CCR3: variants seen among roughly 807,000 people sequenced by gnomAD.
The protein encoded by CCR3 is C-C motif chemokine receptor 3, also known as C-C chemokine receptor type 3.
For missense variants in CCR3, 419 were observed against 437.5 expected, an observed-to-expected ratio of 0.96 and a Z score of 0.38; for synonymous variants, 203 against 179.2, an observed-to-expected ratio of 1.13 and a Z score of -1.06.
Position 46,235,671 on chromosome 3 carries a change from C to T in CCR3, c.-67-6731C>T, listed in dbSNP as rs777564009. On this transcript the variant is annotated intron_variant, in intron 2 of 3. Transcript: ENST00000357422. Reference sequence around the variant, plus strand: ...CTTACATTTCAAAAGGCGTTGAGGACCAGATGTTTTTGCCTGAACAAAACA... The same window carrying T: ...CTTACATTTCAAAAGGCGTTGAGGATCAGATGTTTTTGCCTGAACAAAACA... Among the ~76,000 whole-genome samples, 12 of 152,308 alleles carry T rather than the reference C, an allele frequency of 7.9e-5. No individual in the cohort carries two copies. In the South Asian group the frequency reaches 2.5e-3, roughly 32 times the overall value.
At chr3:46,230,682 C>A (rs1056233034) in intron 2 of CCR3, among the ~76,000 whole-genome samples, 11 of 152,158 alleles carry the variant, frequency 7.2e-5, no homozygotes, top group African/African-American at 2.7e-4. Flanking sequence ...GCCCAGCCCC[C>A]TCTGACGATG....
At chr3:46,212,877 A>G (rs1699733078) in intron 2 of CCR3, among the ~76,000 whole-genome samples, 2 of 152,186 alleles carry the variant, frequency 1.3e-5, no homozygotes, top group Non-Finnish European at 2.9e-5. Flanking sequence ...CATCAATGAA[A>G]GACTGACGTA....
intron 2 of CCR3, among the ~76,000 whole-genome samples, chr3:46,220,876 A>G (rs1343612148): frequency 6.6e-6 from 1 of 152,224 alleles, no homozygotes; most frequent in Non-Finnish European, 1.5e-5. Context: ...GAGACAAGGG[A>G]TTAAAGACTA....
chr3:46,240,200 T>C (rs1700065434), upstream of CCR3, among the ~76,000 whole-genome samples: 1 of 152,198 alleles, frequency 6.6e-6, no homozygotes, highest in Non-Finnish European at 1.5e-5. Context: ...GCCAGAGACC[T>C]GCAGGTGGCT....
intron 2 of CCR3, among the ~76,000 whole-genome samples, chr3:46,228,223 G>A (rs934585936): frequency 1.3e-5 from 2 of 150,004 alleles, no homozygotes; most frequent in Admixed American, 1.3e-4. Context: ...GGACACCCTG[G>A]TCTTTCTTCC....
chr3:46,258,603 T>A (rs764274976), intron 1 of CCR3, among the ~76,000 whole-genome samples: 3 of 152,180 alleles, frequency 2.0e-5, no homozygotes, highest in African/African-American at 4.8e-5. Flanking sequence ...GCTATTACCC[T>A]TGGTTACTAC....
chr3:46,257,938 G>A (rs920075393), intron 1 of CCR3, among the ~76,000 whole-genome samples: 5 of 152,172 alleles, frequency 3.3e-5, no homozygotes, highest in African/African-American at 9.7e-5. Context: ...TTCAAAGGCT[G>A]GTGAGCCTGG....
At chr3:46,238,952 A>T (rs1320245880), upstream of CCR3, among the ~76,000 whole-genome samples, 2 of 152,206 alleles carry the variant, frequency 1.3e-5, no homozygotes, top group East Asian at 3.8e-4. Context: ...TAAGGGAGTC[A>T]TTGATTGAAA....
At chr3:46,216,193 C>T (rs1699772141) in intron 2 of CCR3, among the ~76,000 whole-genome samples, 2 of 152,182 alleles carry the variant, frequency 1.3e-5, no homozygotes, top group Non-Finnish European at 2.9e-5. Context: ...ATTACAGGCA[C>T]ATTCACTGCA....
At chr3:46,211,217 T>TG (rs143443293) in intron 2 of CCR3, among the ~76,000 whole-genome samples, 22 of 140,408 alleles carry the variant, frequency 1.6e-4, no homozygotes, top group Non-Finnish European at 2.4e-4. Flanking sequence ...TTTTTTTTTT[T>TG]AGACAAGGTC....
At chr3:46,226,225 G>A (rs1352126226) in intron 2 of CCR3, among the ~76,000 whole-genome samples, 2 of 152,096 alleles carry the variant, frequency 1.3e-5, no homozygotes, top group Non-Finnish European at 2.9e-5. Flanking sequence ...AAATTTCACT[G>A]GAATTTCTAT....
chr3:46,234,936 G>A (rs1256309124), intron 2 of CCR3, among the ~76,000 whole-genome samples: 8 of 152,172 alleles, frequency 5.3e-5, no homozygotes, highest in Non-Finnish European at 1.0e-4. Flanking sequence ...GAGGGCTCAC[G>A]CCCATGCATA....
chr3:46,219,040 C>T (rs1041364358), intron 2 of CCR3, among the ~76,000 whole-genome samples: 6 of 152,192 alleles, frequency 3.9e-5, no homozygotes, highest in Middle Eastern at 3.4e-3. Context: ...GTCAAACTGT[C>T]GCTGTTTGCC....
At chr3:46,227,339 C>CTT (rs3053352) in intron 2 of CCR3, among the ~76,000 whole-genome samples, 1 of 151,840 alleles carries the variant, frequency 6.6e-6, no homozygotes, top group African/African-American at 2.4e-5. Context: ...AGTAATATCC[C>CTT]GTTTTATTTC....
In CCR3 at chr3:46,266,062, G is replaced by A. The variant is rs139319342; in HGVS notation, c.904G>A (p.Ala302Thr). 60 of 1,613,966 alleles carry A rather than the reference G, an allele frequency of 3.7e-5. No individual in the cohort carries two copies. The highest frequency in any genetic ancestry group is 6.7e-5 in the African/African-American group (5 of 74,986). ...CTGCTGCATGAACCCGGTGATCTAC[G>A]CCTTTGTTGGAGAGAGGTTCCGGAA... ...SHCCMNPVIY[A>T]FVGERFRKYL... The change falls in exon 2 of 2, where the codon GCC becomes ACC. Residue 302 changes from alanine to threonine, a missense_variant. Ala to Thr is a moderately conservative substitution (Grantham distance 58). Transcript: ENST00000395940.
At position 46,212,541 on chromosome 3, in the gene CCR3, C is replaced by T. The variant is rs139383727; in HGVS notation, c.-68+1634C>T. ...TCCCCAGCCTCTCTTTCCACCTCCC[C>T]TCCTCACTGCATACTTCTTCTATCC... is the stretch of plus-strand genomic sequence containing the variant. On this transcript the variant is annotated intron_variant, in intron 2 of 3. Coordinates refer to the CCR3 transcript ENST00000357422. Among the ~76,000 whole-genome samples the T allele has an allele frequency of 7.7e-3, 1,175 of 151,808 alleles. 7 individuals are homozygous for T. Among genetic ancestry groups the T allele is most frequent in the Non-Finnish European group, 0.013 (851 of 67,954 alleles).
At chr3:46,255,527 G>T (rs1376468928) in intron 1 of CCR3, among the ~76,000 whole-genome samples, 2 of 151,936 alleles carry the variant, frequency 1.3e-5, no homozygotes, top group African/African-American at 4.8e-5. Flanking sequence ...TTATGGTTTT[G>T]GGTCTTAGAT....
intron 1 of CCR3, among the ~76,000 whole-genome samples, chr3:46,243,415 T>C (rs1018617148): frequency 1.3e-5 from 2 of 152,128 alleles, no homozygotes; most frequent in African/African-American, 2.4e-5. Context: ...TGGAAATATA[T>C]ATATTTATTT....
chr3:46,247,341 G>A (rs1234986750), intron 1 of CCR3, among the ~76,000 whole-genome samples: 1 of 152,178 alleles, frequency 6.6e-6, no homozygotes, highest in East Asian at 1.9e-4. Context: ...TCTGGAATGA[G>A]ACTGGGGGCC....
Sources: gnomAD v4.1 joint callset for allele counts (sites outside exome capture counted in the v4.1 genomes callset) on GRCh38, gnomAD v4.1.1 for gene constraint, MANE v1.5 for transcripts, NCBI Gene and HGNC (gene_info 2026-07-23, HGNC 2026-07-21) for gene names.